Variants in CNTN6 observed in about 807,000 individuals in gnomAD.
CNTN6 encodes contactin-6.
CNTN6 carries 137 observed loss-of-function variants against 122.8 expected under a neutral mutation model. The observed-to-expected ratio is 1.12, with a 90% CI of 0.97 to 1.29. The LOEUF is 1.29. CNTN6 is among the 50% of genes most tolerant of loss of function. The pLI, the probability that CNTN6 is intolerant of heterozygous loss-of-function variation, is 0.00. For synonymous variants in CNTN6, 570 were observed against 426.0 expected, an observed-to-expected ratio of 1.34 and a Z score of -4.16; for missense variants, 1,634 against 1,223.4, an observed-to-expected ratio of 1.34 and a Z score of -5.01.
intron 19 of CNTN6, among the ~76,000 whole-genome samples, chr3:1,385,356 CTTTAT>C (rs1230969916): frequency 6.8e-6 from 1 of 146,442 alleles, no homozygotes; most frequent in East Asian, 1.9e-4. Flanking sequence ...TCATAAAATA[CTTTAT>C]TTTGGTAATC....
At chr3:1,247,237 A>G (rs749953584) in intron 4 of CNTN6, among the ~76,000 whole-genome samples, 10 of 152,158 alleles carry the variant, frequency 6.6e-5, no homozygotes, top group African/African-American at 1.9e-4. Context: ...TAGGGATCCA[A>G]TTGAGCCAGA....
chr3:1,275,512 C>T (rs1007932770), intron 4 of CNTN6, among the ~76,000 whole-genome samples: 1 of 152,206 alleles, frequency 6.6e-6, no homozygotes, highest in African/African-American at 2.4e-5. Flanking sequence ...TCAAGGTTAA[C>T]TCCTAGACAA....
intron 4 of CNTN6, among the ~76,000 whole-genome samples, chr3:1,230,568 G>T (rs1231226598): frequency 6.6e-6 from 1 of 152,126 alleles, no homozygotes; most frequent in Non-Finnish European, 1.5e-5. Context: ...TTCTTTTCAT[G>T]TCAAATATAA....
chr3:1,382,986 C>A lies in CNTN6; in HGVS notation c.2211C>A (p.Ile737=). 1 of 1,614,046 alleles carries A rather than the reference C, an allele frequency of 6.2e-7. No homozygotes were observed. Among genetic ancestry groups the A allele is most frequent in the Non-Finnish European group, 8.5e-7 (1 of 1,179,938 alleles). The part of the protein sequence containing the change: ...ELQNGEGFGY[I]IMFRPVGSTT... ...AGAATGGGGAGGGATTTGGATATAT[C>A]ATCATGTTCCGGCCAGTGGGCTCGA... Residue 737 remains isoleucine (I), a synonymous_variant, in exon 18 of 23, where the codon ATC becomes ATA. Coordinates refer to ENST00000446702, the MANE Select transcript of CNTN6 (RefSeq NM_001289080.2).
At chr3:1,114,200 A>G (rs990340699) in intron 1 of CNTN6, among the ~76,000 whole-genome samples, 22 of 152,212 alleles carry the variant, frequency 1.4e-4, no homozygotes, top group African/African-American at 4.6e-4. Context: ...ATAAGATAAA[A>G]GAAAGGAGAA....
chr3:1,194,407 G>C (rs1332995978), intron 2 of CNTN6, among the ~76,000 whole-genome samples: 1 of 152,034 alleles, frequency 6.6e-6, no homozygotes, highest in African/African-American at 2.4e-5. Context: ...GAGTGGATCA[G>C]ATCTTTATGG....
At chr3:1,315,404 A>G (rs1699950817) in intron 7 of CNTN6, among the ~76,000 whole-genome samples, 1 of 151,960 alleles carries the variant, frequency 6.6e-6, no homozygotes, top group Non-Finnish European at 1.5e-5. Flanking sequence ...GTAGATCACA[A>G]TAAATTAGCG....
chr3:1,362,679 T>C (rs936658608), intron 12 of CNTN6, among the ~76,000 whole-genome samples: 2 of 152,042 alleles, frequency 1.3e-5, no homozygotes, highest in African/African-American at 4.8e-5. Flanking sequence ...TGAATAACTT[T>C]TAACATATAT....
At chr3:1,370,056 A>G (rs1449425124) in intron 12 of CNTN6, among the ~76,000 whole-genome samples, 1 of 152,022 alleles carries the variant, frequency 6.6e-6, no homozygotes, top group Non-Finnish European at 1.5e-5. Context: ...CTAATGTAAC[A>G]AACTTAATAA....
At chr3:1,306,752 T>G (rs1287408142) in intron 7 of CNTN6, among the ~76,000 whole-genome samples, 1 of 152,178 alleles carries the variant, frequency 6.6e-6, no homozygotes, top group African/African-American at 2.4e-5. Context: ...TAGTAACTAC[T>G]TTATTAATCC....
Position 1,108,502 on chromosome 3 carries a change from T to A in CNTN6, c.-83+15382T>A, listed in dbSNP as rs142829040. The stretch of plus-strand genomic sequence containing the variant: ...ATTTTTCAGTTTGGAGTCCTGTTGG[T>A]GCTCAAAAAATTGTAGATCTTGAAG... On this transcript the variant is annotated intron_variant, in intron 1 of 22. Coordinates refer to ENST00000446702, the MANE Select transcript of CNTN6 (RefSeq NM_001289080.2). Among the ~76,000 whole-genome samples, 1,457 of 152,170 alleles carry A rather than the reference T, an allele frequency of 9.6e-3. 29 individuals are homozygous for A. The highest frequency in any genetic ancestry group is 0.033 in the African/African-American group (1,365 of 41,556).
chr3:1,314,276 T>C (rs1319410944), intron 7 of CNTN6, among the ~76,000 whole-genome samples: 1 of 152,234 alleles, frequency 6.6e-6, no homozygotes, highest in East Asian at 1.9e-4. Context: ...TCTGAAAATG[T>C]AGCAAAGGCA....
chr3:1,180,960 C>T (rs554670827), intron 2 of CNTN6, among the ~76,000 whole-genome samples: 119 of 152,014 alleles, frequency 7.8e-4, no homozygotes, highest in African/African-American at 2.8e-3. Context: ...ATTTTTTTTA[C>T]TTTTTTTTCT....
chr3:1,283,468 T>C (rs1360691063), intron 5 of CNTN6, among the ~76,000 whole-genome samples: 4 of 152,114 alleles, frequency 2.6e-5, no homozygotes, highest in Non-Finnish European at 5.9e-5. Context: ...TTCCTTTAAA[T>C]TTTGGAACAG....
At chr3:1,323,386 C>T (rs1508706) in intron 8 of CNTN6, among the ~76,000 whole-genome samples, 3,718 of 151,762 alleles carry the variant, frequency 0.024, 172 homozygotes, top group African/African-American at 0.085. Context: ...CTCACCACAA[C>T]CAAATTAGCC....
At chr3:1,149,235 C>T (rs1055423148) in intron 2 of CNTN6, among the ~76,000 whole-genome samples, 3 of 152,098 alleles carry the variant, frequency 2.0e-5, no homozygotes, top group African/African-American at 7.2e-5. Context: ...TTGAGCTTAC[C>T]TACATGAGTT....
intron 1 of CNTN6, among the ~76,000 whole-genome samples, chr3:1,095,426 G>A (rs894229077): frequency 3.9e-5 from 6 of 152,120 alleles, no homozygotes; most frequent in African/African-American, 9.7e-5. Flanking sequence ...AGCAGAGATC[G>A]CGCCATTGCC....
chr3:1,266,536 A>G (rs565672831), intron 4 of CNTN6, among the ~76,000 whole-genome samples: 20 of 152,322 alleles, frequency 1.3e-4, no homozygotes, highest in African/African-American at 4.3e-4. Flanking sequence ...ACCTTTACCC[A>G]GGAGCTCTGT....
At chr3:1,278,194 T>C (rs920067297) in intron 4 of CNTN6, among the ~76,000 whole-genome samples, 1 of 152,214 alleles carries the variant, frequency 6.6e-6, no homozygotes, top group Non-Finnish European at 1.5e-5. Context: ...GTGAGTATTG[T>C]CTTTATCACA....
Sources: allele counts gnomAD v4.1 joint callset (sites outside exome capture counted in the v4.1 genomes callset), GRCh38; gene constraint gnomAD v4.1.1; transcripts MANE v1.5; gene names NCBI Gene and HGNC (gene_info 2026-07-23, HGNC 2026-07-21).